SAMM50: variants seen among roughly 807,000 people sequenced by gnomAD.
SAMM50 encodes SAMM50 sorting and assembly machinery component, also known as sorting and assembly machinery component 50 homolog.
In SAMM50, 47 loss-of-function variants were observed where a neutral mutation model predicts 66.9. The observed-to-expected ratio is 0.70, with a 90% confidence interval of 0.56 to 0.90. The LOEUF (loss-of-function observed/expected upper bound fraction) is 0.90, where lower values mean the gene tolerates loss of function less well. SAMM50 is among the 40% of genes least tolerant of loss of function. SAMM50 has a pLI of 0.00. For missense variants in SAMM50, 535 were observed against 595.3 expected, an observed-to-expected ratio of 0.90 and a Z score of 1.05; for synonymous variants, 191 against 214.1, an observed-to-expected ratio of 0.89 and a Z score of 0.94.
At chr22:43,985,197 C>T (rs971670738) in intron 12 of SAMM50, among the ~76,000 whole-genome samples, 15 of 151,960 alleles carry the variant, frequency 9.9e-5, no homozygotes, top group Non-Finnish European at 1.5e-5. Flanking sequence ...ATTGGTGAAG[C>T]AATATGATAA....
intron 10 of SAMM50, among the ~76,000 whole-genome samples, chr22:43,978,432 C>CA (rs71313377): frequency 7.2e-4 from 50 of 69,060 alleles, no homozygotes; most frequent in Non-Finnish European, 9.4e-4. Flanking sequence ...GACTCCTTCT[C>CA]AAAAAAAAAA....
chr22:43,968,226 C>CAAAAAAAAAAAAAAAAAAAAAAAAAAAA (rs66961907), intron 3 of SAMM50, among the ~76,000 whole-genome samples: 46 of 68,594 alleles, frequency 6.7e-4, no homozygotes, highest in East Asian at 1.3e-3. Context: ...AACTCTGTCT[C>CAAAAAAAAAAAAAAAAAAAAAAAAAAAA]AAAAAAAAAA....
chr22:43,963,170 C>T (rs2050155970), intron 1 of SAMM50, 116 bp from the exon 2 acceptor site: 1 of 635,524 alleles, frequency 1.6e-6, no homozygotes, highest in African/African-American at 1.9e-5. Flanking sequence ...CCTACCTCTA[C>T]TTGAAGGGAA....
Position 43,977,876 on chromosome 22 carries a change from T to A in SAMM50, c.854T>A (p.Leu285Gln). The change falls in exon 10 of 15, where the codon CTG becomes CAG. Residue 285 changes from leucine to glutamine, a missense_variant. Coordinates refer to ENST00000350028, the MANE Select transcript of SAMM50 (RefSeq NM_015380.5). The stretch of plus-strand genomic sequence containing the variant: ...CTGAGTGCTCCTTCCCTGCAGGAAC[T>A]GGCAGGCTACACTGGCGGGGATGTG... ...RGALLKVNQELAGYTGGDVSF... is the reference protein window; with the variant it reads ...RGALLKVNQEQAGYTGGDVSF... The A allele has an allele frequency of 6.2e-7, 1 of 1,612,888 alleles. No homozygotes were observed.
chr22:43,972,743 C>G (rs145570637), intron 5 of SAMM50, 128 bp from the exon 6 acceptor site: 2 of 862,682 alleles, frequency 2.3e-6, no homozygotes, highest in Non-Finnish European at 3.7e-6. Context: ...AAATGAAAGA[C>G]TAGATCTGTA....
intron 3 of SAMM50, among the ~76,000 whole-genome samples, chr22:43,966,434 T>C (rs1375717344): frequency 6.6e-6 from 1 of 152,102 alleles, no homozygotes; most frequent in Non-Finnish European, 1.5e-5. Flanking sequence ...CTTGGCTCAC[T>C]GCAACCTCCG....
chr22:43,976,179 T>C lies in SAMM50; in HGVS notation c.773T>C (p.Leu258Pro). The C allele has an allele frequency of 6.2e-7, 1 of 1,604,062 alleles. No individual in the cohort carries two copies. Among genetic ancestry groups the C allele is most frequent in the Middle Eastern group, 1.7e-4 (1 of 6,022 alleles). ...AGCGGACATTCACTGAAATCATCTC[T>C]TTCGGTAACGGTTTCTCTTAGTTGG... ...KESGHSLKSS[L>P]SHAMVIDSRN... Residue 258 changes from leucine to proline, a missense_variant, in exon 8 of 15, where the codon CTT (leucine) becomes CCT (proline). By Grantham distance (98) the Leu-to-Pro change is moderately conservative (BLOSUM62 -3). Transcript: ENST00000350028.
At chr22:43,995,716 C>T (rs2050349811) in intron 14 of SAMM50, among the ~76,000 whole-genome samples, 1 of 152,192 alleles carries the variant, frequency 6.6e-6, no homozygotes, top group Non-Finnish European at 1.5e-5. Context: ...CCTCTTTGCT[C>T]CTCTCTGAAA....
At chr22:43,984,070 T>G (rs2050278813) in intron 12 of SAMM50, 70 bp downstream of exon 12, 1 of 1,358,102 alleles carries the variant, frequency 7.4e-7, no homozygotes. Flanking sequence ...ATGTACCTGT[T>G]ATTAGCTTAC....
chr22:43,955,508 T>C lies in SAMM50; in HGVS notation c.-70T>C, dbSNP rs1160501030. On this transcript the variant is annotated 5_prime_UTR_variant, in exon 1 of 15. Transcript: ENST00000350028. Reference sequence around the variant, plus strand: ...GCAGCTCCGCCACCGCGGACCCGCCTTCTGCCCTCAGCAGCAGACGCTCTG... The same window carrying C: ...GCAGCTCCGCCACCGCGGACCCGCCCTCTGCCCTCAGCAGCAGACGCTCTG... 3.2e-6 allele frequency: 5 copies of C among 1,549,180 alleles called. No homozygotes were observed. In the African/African-American group the frequency reaches 5.4e-5, roughly 17 times the overall value.
At chr22:43,976,015 T>G in intron 7 of SAMM50, 40 bp from the exon 8 acceptor site, 1 of 1,580,674 alleles carries the variant, frequency 6.3e-7, no homozygotes, top group Non-Finnish European at 8.7e-7. Flanking sequence ...AGTTCCTAAG[T>G]ATGTGTGGTC....
At chr22:43,987,116 C>A (rs2050298625) in intron 12 of SAMM50, 1 of 152,134 alleles carries the variant, frequency 6.6e-6, no homozygotes, top group South Asian at 2.1e-4. Flanking sequence ...TGCTGGTGTT[C>A]CACTCACCAC....
At chr22:43,993,304 C>T (rs957668890) in intron 14 of SAMM50, among the ~76,000 whole-genome samples, 30 of 152,210 alleles carry the variant, frequency 2.0e-4, no homozygotes, top group African/African-American at 3.9e-4. Context: ...GGGCAGCCCA[C>T]GCTGCCATCA....
intron 7 of SAMM50, 144 bp from the exon 8 acceptor site, chr22:43,975,894 CTCTTCCCCTTCTTCTCT>C (rs1399829871): frequency 8.5e-6 from 6 of 701,816 alleles, no homozygotes; most frequent in South Asian, 2.1e-5. Flanking sequence ...CTCTGGTTTT[CTCTTCCCCTTCTTCTCT>C]TCTTCCCCTT....
intron 14 of SAMM50, among the ~76,000 whole-genome samples, chr22:43,991,989 T>C (rs1359411614): frequency 6.6e-6 from 1 of 152,242 alleles, no homozygotes; most frequent in Non-Finnish European, 1.5e-5. Flanking sequence ...GACATGAATG[T>C]TCAGTCCACA....
chr22:43,994,093 G>C (rs1202646380), intron 14 of SAMM50, among the ~76,000 whole-genome samples: 1 of 152,170 alleles, frequency 6.6e-6, no homozygotes, highest in Non-Finnish European at 1.5e-5. Context: ...GGAGGGTGCT[G>C]AGAGGGCCCC....
At chr22:43,991,313 C>G (rs1370340055) in intron 14 of SAMM50, among the ~76,000 whole-genome samples, 1 of 140,626 alleles carries the variant, frequency 7.1e-6, no homozygotes, top group African/African-American at 2.7e-5. Context: ...CGGTCTTTCT[C>G]TGTCACCCAG....
chr22:43,996,156 C>T (rs2050352819), intron 14 of SAMM50, 182 bp from the exon 15 acceptor site: 3 of 717,370 alleles, frequency 4.2e-6, no homozygotes, highest in African/African-American at 3.5e-5. Context: ...GGTGAAGGTT[C>T]TTAACCAGCA....
chr22:43,996,487 G>A lies in SAMM50; in HGVS notation c.*104G>A. The stretch of plus-strand genomic sequence containing the variant: ...GCGGTTCAGCGATTCTTTGACTGCG[G>A]ACCCTGTGGGAAACCCCGTCAATAA... On this transcript the variant is annotated 3_prime_UTR_variant, in exon 15 of 15. Transcript: ENST00000350028. 1 of 1,062,910 alleles carries A rather than the reference G, an allele frequency of 9.4e-7. No individual in the cohort carries two copies. Among genetic ancestry groups the A allele is most frequent in the Non-Finnish European group, 1.5e-6 (1 of 680,490 alleles). 65.8% of individuals were successfully genotyped at this position (1,062,910 alleles called of 1,614,324 possible).
Sources: gnomAD v4.1 joint callset for allele counts (sites outside exome capture counted in the v4.1 genomes callset) on GRCh38, gnomAD v4.1.1 for gene constraint, MANE v1.5 for transcripts, NCBI Gene and HGNC (gene_info 2026-07-23, HGNC 2026-07-21) for gene names.